Variants in DNAI1 observed in about 807,000 individuals in gnomAD.
The protein encoded by DNAI1 is dynein axonemal intermediate chain 1.
In DNAI1, 67 loss-of-function variants were observed where a neutral mutation model predicts 92.0. That is an observed-to-expected ratio of 0.73 (90% CI 0.60 to 0.89). The LOEUF (loss-of-function observed/expected upper bound fraction) is 0.89. Among genes scored for constraint, DNAI1 ranks in the 40% least tolerant of loss-of-function variants. The pLI is 0.00. For synonymous variants in DNAI1, 323 were observed against 319.6 expected (o/e 1.01, Z -0.11); for missense variants, 839 against 866.6 (o/e 0.97, Z 0.40).
chr9:34,496,013 C>T (rs932082803), intron 9 of DNAI1, among the ~76,000 whole-genome samples: 3 of 152,192 alleles, frequency 2.0e-5, no homozygotes, highest in African/African-American at 7.2e-5. Context: ...TAACCCTTCG[C>T]TGCACTACTC....
intron 10 of DNAI1, among the ~76,000 whole-genome samples, chr9:34,498,007 C>G (rs545985023): frequency 6.6e-6 from 1 of 152,280 alleles, no homozygotes; most frequent in South Asian, 2.1e-4. Flanking sequence ...GCAGACAGTT[C>G]AGAGAACTGA....
chr9:34,493,831 T>C (rs1404954553), intron 9 of DNAI1, among the ~76,000 whole-genome samples: 1 of 152,086 alleles, frequency 6.6e-6, no homozygotes, highest in East Asian at 1.9e-4. Context: ...GGCCAATGGA[T>C]TTGGCCACCC....
At chr9:34,468,835 A>AG (rs1301522455) in intron 1 of DNAI1, among the ~76,000 whole-genome samples, 1 of 151,556 alleles carries the variant, frequency 6.6e-6, no homozygotes, top group African/African-American at 2.4e-5. Context: ...CAAAAAAAAA[A>AG]AGAGAAAAGA....
chr9:34,464,916 G>C (rs1249856178), intron 1 of DNAI1, among the ~76,000 whole-genome samples: 1 of 152,138 alleles, frequency 6.6e-6, no homozygotes, highest in Non-Finnish European at 1.5e-5. Context: ...TTGGATAGAA[G>C]AAGAAGAGTC....
chr9:34,481,793 C>G (rs1056665902), intron 1 of DNAI1, among the ~76,000 whole-genome samples: 1 of 152,186 alleles, frequency 6.6e-6, no homozygotes, highest in East Asian at 1.9e-4. Flanking sequence ...AGCTGCAGAT[C>G]TTCACAGTGA....
intron 1 of DNAI1, among the ~76,000 whole-genome samples, chr9:34,466,624 A>G (rs1824043284): frequency 2.6e-5 from 4 of 152,222 alleles, no homozygotes; most frequent in African/African-American, 7.2e-5. Context: ...AGGATGAGAG[A>G]AGGGAGAAGG....
chr9:34,481,769 G>A (rs1297461192), intron 1 of DNAI1, among the ~76,000 whole-genome samples: 2 of 152,060 alleles, frequency 1.3e-5, no homozygotes, highest in African/African-American at 4.8e-5. Flanking sequence ...TGGTCTTGCT[G>A]GGCTCAGGAG....
At chr9:34,504,390 C>T (rs1824885853) in intron 12 of DNAI1, among the ~76,000 whole-genome samples, 1 of 152,216 alleles carries the variant, frequency 6.6e-6, no homozygotes. Context: ...CATTTCTTCT[C>T]ATTCATCCTC....
intron 18 of DNAI1, among the ~76,000 whole-genome samples, 153 bp downstream of exon 18, chr9:34,514,892 G>C (rs1253048173): frequency 6.6e-6 from 1 of 152,224 alleles, no homozygotes; most frequent in Admixed American, 6.5e-5. Context: ...AAGCCATCCA[G>C]GGTCCAGCCA....
chr9:34,481,670 C>T (rs1824358038), intron 1 of DNAI1, among the ~76,000 whole-genome samples: 1 of 152,136 alleles, frequency 6.6e-6, no homozygotes, highest in Admixed American at 6.5e-5. Flanking sequence ...GTTTCGCTGG[C>T]TCAGGAGTGA....
chr9:34,504,264 T>A (rs1177927892), intron 12 of DNAI1, among the ~76,000 whole-genome samples: 2 of 152,222 alleles, frequency 1.3e-5, no homozygotes, highest in Admixed American at 6.5e-5. Flanking sequence ...TCCCTGGGCC[T>A]GCCCAGGCCA....
chr9:34,506,305 C>T lies in DNAI1; in HGVS notation c.1064-322C>T, dbSNP rs28378181. On this transcript the variant is annotated intron_variant, in intron 12 of 19. Transcript: ENST00000242317. ...CCAAACCCCCTCTGAGGGTTCTGCT[C>T]CTTCCCAAGCTCACACACCTTCTTC... 0.2 allele frequency among the ~76,000 whole-genome samples: 29,744 copies of T among 152,138 alleles called. 3,443 individuals are homozygous for T. Among genetic ancestry groups the T allele is most frequent in the African/African-American group, 0.33 (13,530 of 41,472 alleles).
chr9:34,503,607 T>C (rs2132074427), intron 12 of DNAI1, among the ~76,000 whole-genome samples: 1 of 152,226 alleles, frequency 6.6e-6, no homozygotes, highest in Middle Eastern at 3.4e-3. Flanking sequence ...GTATGTACCC[T>C]AGGAAGGACT....
intron 1 of DNAI1, among the ~76,000 whole-genome samples, chr9:34,481,747 C>T (rs946715032): frequency 6.6e-6 from 1 of 152,230 alleles, no homozygotes; most frequent in African/African-American, 2.4e-5. Flanking sequence ...TTCGTTCCTC[C>T]TGGTGGGCTC....
intron 8 of DNAI1, 56 bp from the exon 9 acceptor site, chr9:34,493,138 C>G: frequency 6.2e-7 from 1 of 1,612,730 alleles, no homozygotes; most frequent in Non-Finnish European, 8.5e-7. Context: ...CTGAAAAGAG[C>G]TGTCTGGGTA....
Position 34,514,625 on chromosome 9 carries a change from C to CCTCCGG in DNAI1, c.1719-11_1719-10insGGCTCC, listed in dbSNP as rs768309435. Reference sequence around the variant, plus strand: ...GCCCTCTGTGCCATGGGCTTTCCACCCTCCACCTCTGCAGGACCCCGATGT... The same window carrying CCTCCGG: ...GCCCTCTGTGCCATGGGCTTTCCACCCTCCGGCTCCACCTCTGCAGGACCCCGATGT... On this transcript the variant is annotated splice_polypyrimidine_tract_variant and intron_variant, in intron 17 of 19. Transcript: ENST00000242317. The CCTCCGG allele has an allele frequency of 1.9e-6, 3 of 1,614,122 alleles. No homozygotes were observed. The highest frequency in any genetic ancestry group is 1.7e-6 in the Non-Finnish European group (2 of 1,180,056).
At chr9:34,467,523 C>G (rs1824060989) in intron 1 of DNAI1, among the ~76,000 whole-genome samples, 1 of 151,882 alleles carries the variant, frequency 6.6e-6, no homozygotes, top group Non-Finnish European at 1.5e-5. Context: ...GTCCCAGCTA[C>G]TCAGGAGGCT....
intron 18 of DNAI1, among the ~76,000 whole-genome samples, chr9:34,514,979 G>A (rs1825146525): frequency 6.6e-6 from 1 of 152,236 alleles, no homozygotes; most frequent in African/African-American, 2.4e-5. Context: ...GCACTCTGGG[G>A]GATGAGATGC....
At chr9:34,473,273 C>CTTATTATTATTATTATTA (rs5897573) in intron 1 of DNAI1, among the ~76,000 whole-genome samples, 1 of 146,084 alleles carries the variant, frequency 6.8e-6, no homozygotes, top group African/African-American at 2.5e-5. Flanking sequence ...CTAAATCAAG[C>CTTATTATTATTATTATTA]TTATTATTAT....
Sources: allele counts gnomAD v4.1 joint callset (sites outside exome capture counted in the v4.1 genomes callset), GRCh38; gene constraint gnomAD v4.1.1; transcripts MANE v1.5; gene names NCBI Gene and HGNC (gene_info 2026-07-23, HGNC 2026-07-21).